The following SULT1E1 variants were observed in gnomAD, a reference collection of about 807,000 sequenced individuals.
SULT1E1 encodes the protein sulfotransferase family 1E member 1.
A neutral mutation model predicts 33.6 loss-of-function variants in SULT1E1; 36 were observed. The ratio of observed to expected loss-of-function variants is 1.07; its 90% CI spans 0.82 to 1.41. The LOEUF (loss-of-function observed/expected upper bound fraction) is 1.41, where lower values mean the gene tolerates loss of function less well. Ranked by LOEUF, SULT1E1 falls within the 40% of genes most tolerant of loss-of-function variation. The pLI, the probability that SULT1E1 is intolerant of heterozygous loss-of-function variation, is 0.00. For synonymous variants in SULT1E1, 121 were observed against 111.7 expected (o/e 1.08, Z -0.53); for missense variants, 371 against 345.7 (o/e 1.07, Z -0.58).
At chr4:69,849,402 T>C in intron 5 of SULT1E1, 35 bp downstream of exon 5, 1 of 1,598,542 alleles carries the variant, frequency 6.3e-7, no homozygotes, top group Non-Finnish European at 8.5e-7. Flanking sequence ...TATAAAACCT[T>C]GAAAAAAAAT....
chr4:69,852,371 CT>C (rs1721141918), intron 4 of SULT1E1, among the ~76,000 whole-genome samples: 1 of 152,110 alleles, frequency 6.6e-6, no homozygotes, highest in Non-Finnish European at 1.5e-5. Flanking sequence ...TTACTTCAGA[CT>C]TTTGTAACCA....
At position 69,857,658 on chromosome 4, in the gene SULT1E1, A is replaced by C; in HGVS notation, c.-9-5T>G. 2 of 1,578,270 alleles carry C rather than the reference A, an allele frequency of 1.3e-6. No homozygotes were observed. The highest frequency in any genetic ancestry group is 1.7e-6 in the Non-Finnish European group (2 of 1,168,770). ...TTCAGAATTCATTGTGGTACACTGA[A>C]AAAAAACCTCTGCTTTATACTTTGT... On this transcript the variant is annotated splice_region_variant and splice_polypyrimidine_tract_variant and intron_variant, in intron 1 of 7. Coordinates refer to ENST00000226444, the MANE Select transcript of SULT1E1 (RefSeq NM_005420.3).
chr4:69,837,835 T>C (rs1720818593), downstream of SULT1E1, among the ~76,000 whole-genome samples: 1 of 152,172 alleles, frequency 6.6e-6, no homozygotes, highest in African/African-American at 2.4e-5. Context: ...CTGGCCAGTT[T>C]TTAATATTTT....
At chr4:69,841,123 T>C (rs1720877661), downstream of SULT1E1, 1 of 152,164 alleles carries the variant, frequency 6.6e-6, no homozygotes, top group Non-Finnish European at 1.5e-5. Context: ...TTATATATTA[T>C]TTCATTCTTT....
At chr4:69,843,252 T>A (rs1720914516) in intron 7 of SULT1E1, among the ~76,000 whole-genome samples, 1 of 152,100 alleles carries the variant, frequency 6.6e-6, no homozygotes, top group Admixed American at 6.5e-5. Flanking sequence ...CCTAAAAAAA[T>A]CAGATAGGTT....
chr4:69,857,251 CA>C (rs748664653), intron 2 of SULT1E1, among the ~76,000 whole-genome samples: 51 of 152,062 alleles, frequency 3.4e-4, no homozygotes, highest in Non-Finnish European at 6.0e-4. Flanking sequence ...GGGATGAATA[CA>C]GGTTCATTAG....
At chr4:69,826,235 G>T in the SULT1E1 span, among the ~76,000 whole-genome samples, 1,856 of 152,250 alleles carry the variant, frequency 0.012, 51 homozygotes, top group African/African-American at 0.042. Flanking sequence ...CATCTTTATA[G>T]GATGGGGTAA....
Position 69,849,504 on chromosome 4 carries a change from T to C in SULT1E1, c.429A>G (p.Leu143=), listed in dbSNP as rs754635307. Residue 143 remains leucine, a synonymous_variant, in exon 5 of 8, where the codon CTA becomes CTG. Coordinates refer to ENST00000226444, the MANE Select transcript of SULT1E1 (RefSeq NM_005420.3). ...DVAVSFYYFF[L]MVAGHPNPGS... ...CAGGATTTGGATGACCAGCCACCATTAGAAAGAAATAATAAAAGGAAACAG... is the reference window on the plus strand; with the variant it reads ...CAGGATTTGGATGACCAGCCACCATCAGAAAGAAATAATAAAAGGAAACAG... The C allele has an allele frequency of 6.2e-7, 1 of 1,611,384 alleles. No individual in the cohort carries two copies. The highest frequency in any genetic ancestry group is 1.7e-5 in the Admixed American group (1 of 59,758).
chr4:69,849,409 A>C (rs1401153801), intron 5 of SULT1E1, 28 bp downstream of exon 5: 1 of 1,601,728 alleles, frequency 6.2e-7, no homozygotes, highest in African/African-American at 1.3e-5. Flanking sequence ...CCTTGAAAAA[A>C]AATTCAGTGT....
At chr4:69,828,469 C>T in the SULT1E1 span, among the ~76,000 whole-genome samples, 1 of 152,164 alleles carries the variant, frequency 6.6e-6, no homozygotes, top group African/African-American at 2.4e-5. Context: ...AGGTCTGCAG[C>T]TTCACTCCTG....
the SULT1E1 span, among the ~76,000 whole-genome samples, chr4:69,828,396 C>T: frequency 2.6e-5 from 4 of 152,324 alleles, no homozygotes; most frequent in East Asian, 7.7e-4. Context: ...AGACCATGAA[C>T]CCACCAGGAG....
At chr4:69,830,888 G>A in the SULT1E1 span, among the ~76,000 whole-genome samples, 5 of 152,196 alleles carry the variant, frequency 3.3e-5, no homozygotes, top group African/African-American at 1.2e-4. Flanking sequence ...TGATTGAAAA[G>A]AGCTGGTAAA....
chr4:69,834,796 C>T, the SULT1E1 span, among the ~76,000 whole-genome samples: 4 of 152,196 alleles, frequency 2.6e-5, no homozygotes, highest in East Asian at 5.8e-4. Context: ...ATAGTAGGAT[C>T]ATAAAATTTA....
the SULT1E1 span, among the ~76,000 whole-genome samples, chr4:69,826,718 C>A: frequency 1.3e-4 from 20 of 152,052 alleles, no homozygotes; most frequent in Non-Finnish European, 2.6e-4. Flanking sequence ...GGAAAAATGG[C>A]CACCTGAGGG....
chr4:69,848,064 CT>C (rs1198240441), intron 5 of SULT1E1, among the ~76,000 whole-genome samples: 1 of 148,038 alleles, frequency 6.8e-6, no homozygotes, highest in Non-Finnish European at 1.5e-5. Context: ...TGATTTAAAG[CT>C]TATGAGAAAA....
the SULT1E1 span, among the ~76,000 whole-genome samples, chr4:69,828,918 G>A: frequency 6.6e-6 from 1 of 152,192 alleles, no homozygotes; most frequent in Non-Finnish European, 1.5e-5. Context: ...GCAAGACACA[G>A]TCACTGCTCG....
At chr4:69,851,657 A>G (rs572199391) in intron 4 of SULT1E1, among the ~76,000 whole-genome samples, 1 of 152,328 alleles carries the variant, frequency 6.6e-6, no homozygotes, top group Non-Finnish European at 1.5e-5. Flanking sequence ...TCATGCTACT[A>G]TAAAGACACA....
chr4:69,830,857 G>A, the SULT1E1 span, among the ~76,000 whole-genome samples: 1 of 152,198 alleles, frequency 6.6e-6, no homozygotes, highest in African/African-American at 2.4e-5. Flanking sequence ...GGAGCATGAT[G>A]CTTCCAGTTC....
Position 69,841,930 on chromosome 4 carries a change from A to G in SULT1E1, c.*64T>C. On this transcript the variant is annotated 3_prime_UTR_variant, in exon 8 of 8. Transcript: ENST00000226444. ...GTCTTTTCTAGCAATCTAAAATAAGAAAAAGTGGAGAATAATGAAAAGAAA... is the reference window on the plus strand; with the variant it reads ...GTCTTTTCTAGCAATCTAAAATAAGGAAAAGTGGAGAATAATGAAAAGAAA... The G allele has an allele frequency of 1.1e-6, 1 of 884,022 alleles. No individual in the cohort carries two copies. The highest frequency in any genetic ancestry group is 1.8e-6 in the Non-Finnish European group (1 of 566,638). The allele number at this position is 884,022 out of a possible 1,614,324, so 54.8% of individuals were successfully genotyped here. A position where few individuals can be genotyped will look rare whatever the true frequency, so the allele number is the denominator to read the frequency against.
Sources: allele counts gnomAD v4.1 joint callset (sites outside exome capture counted in the v4.1 genomes callset), GRCh38; gene constraint gnomAD v4.1.1; transcripts MANE v1.5; gene names NCBI Gene and HGNC (gene_info 2026-07-23, HGNC 2026-07-21).